Variants in ZNF462 observed in about 807,000 individuals in gnomAD.
ZNF462 encodes zinc finger PBX1-interacting protein.
ZNF462 carries 10 observed loss-of-function variants against 201.9 expected under a neutral mutation model. The observed-to-expected ratio is 0.05, with a 90% CI of 0.03 to 0.08. The LOEUF is 0.08. Ranked by LOEUF, ZNF462 falls within the 10% of genes least tolerant of loss-of-function variation. The pLI, the probability that ZNF462 is intolerant of heterozygous loss-of-function variation, is 1.00. For missense variants in ZNF462, 2,523 were observed against 3,168.3 expected (o/e 0.80, Z 4.89); for synonymous variants, 1,227 against 1,193.3 (o/e 1.03, Z -0.58).
At chr9:106,969,048 C>A (rs1201134880) in intron 7 of ZNF462, among the ~76,000 whole-genome samples, 2 of 152,124 alleles carry the variant, frequency 1.3e-5, no homozygotes, top group Non-Finnish European at 2.9e-5. Flanking sequence ...GTGCTAAAAT[C>A]CTACATTATT....
At chr9:106,892,708 A>G (rs976310874) in intron 1 of ZNF462, among the ~76,000 whole-genome samples, 21 of 151,414 alleles carry the variant, frequency 1.4e-4, no homozygotes, top group Admixed American at 9.2e-4. Context: ...ACACACGCAC[A>G]CACACACACA....
rs544205009 is a variant in ZNF462 at position 107,006,876 on chromosome 9, G to T, written c.7190-2669G>T. On this transcript the variant is annotated intron_variant, in intron 11 of 12. Coordinates refer to ENST00000277225, the MANE Select transcript of ZNF462 (RefSeq NM_021224.6). This position sits in a 1 kb window ranked among gnomAD's most constrained non-coding sequence, Gnocchi z 4.3. ...CATATAGGTTGATTGTTCTTATAAA[G>T]TTATTATTTTTATTAGTAGAGGCTG... 4.6e-5 allele frequency among the ~76,000 whole-genome samples: 7 copies of T among 152,204 alleles called. No individual in the cohort carries two copies. The East Asian group carries it at 1.3e-3, about 29-fold the overall frequency.
In ZNF462 at chr9:107,003,631, A is replaced by G. The variant is rs930505532; in HGVS notation, c.7189+205A>G. On this transcript the variant is annotated intron_variant, in intron 11 of 12. Transcript: ENST00000277225. This position sits in a 1 kb window ranked among gnomAD's most constrained non-coding sequence, Gnocchi z 4.4. ...TATAGAAACGCCAAGGAAAACAGAC[A>G]TTTTCTCCCTAATTATAGATATATG... Among the ~76,000 whole-genome samples the G allele has an allele frequency of 6.6e-6, 1 of 152,072 alleles. No individual in the cohort carries two copies. Among genetic ancestry groups the G allele is most frequent in the Non-Finnish European group, 1.5e-5 (1 of 68,014 alleles).
At chr9:106,906,362 G>A (rs1414286084) in intron 1 of ZNF462, among the ~76,000 whole-genome samples, 1 of 152,150 alleles carries the variant, frequency 6.6e-6, no homozygotes, top group Non-Finnish European at 1.5e-5. Flanking sequence ...GCAAGCCTCC[G>A]CATGCTGCTC....
At chr9:106,988,297 C>A (rs1214908819) in intron 10 of ZNF462, among the ~76,000 whole-genome samples, 3 of 152,080 alleles carry the variant, frequency 2.0e-5, no homozygotes, top group African/African-American at 7.2e-5. Flanking sequence ...AAAGCGGAAA[C>A]CCCTGGTAAA....
Position 106,925,634 on chromosome 9 carries a change from G to A in ZNF462, c.1722G>A (p.Val574=), listed in dbSNP as rs1174092495. The A allele has an allele frequency of 6.2e-7, 1 of 1,613,046 alleles. No homozygotes were observed. Among genetic ancestry groups the A allele is most frequent in the Non-Finnish European group, 8.5e-7 (1 of 1,179,756 alleles). ...CACAGCTGCAGCCACCACATCAGGT[G>A]CCACCCCAGCCACAAACACAGCCAC... is the stretch of plus-strand genomic sequence containing the variant. The part of the protein sequence containing the change: ...QPPQLQPPHQ[V]PPQPQTQPPP... The change falls in exon 3 of 13, where the codon GTG becomes GTA. Residue 574 remains valine (V), a synonymous_variant. Coordinates refer to ENST00000277225, the MANE Select transcript of ZNF462 (RefSeq NM_021224.6). The surrounding 1 kb of genome is among the most constrained non-coding windows in gnomAD (Gnocchi z 7.9).
intron 1 of ZNF462, among the ~76,000 whole-genome samples, chr9:106,910,353 CTTGTTTTAGTTTTTTTTTTTTTTT>C (rs1315296986): frequency 7.9e-6 from 1 of 127,022 alleles, no homozygotes; most frequent in African/African-American, 3.3e-5. Flanking sequence ...TCCTCCACCC[CTTGTTTTAGTTTTTTTTTTTTTTT>C]TTTTTTTTTA....
At chr9:106,916,436 C>T (rs2131358282) in intron 1 of ZNF462, among the ~76,000 whole-genome samples, 2 of 152,268 alleles carry the variant, frequency 1.3e-5, no homozygotes, top group Admixed American at 1.3e-4. Flanking sequence ...CTGCAACTTC[C>T]CTTTAATTTT....
chr9:106,922,250 C>T (rs748869233), intron 1 of ZNF462, among the ~76,000 whole-genome samples: 15 of 152,278 alleles, frequency 9.9e-5, no homozygotes, highest in African/African-American at 3.6e-4. Context: ...AAGTAACTTA[C>T]TCATTAGATA....
chr9:106,925,754 G>A lies in ZNF462; in HGVS notation c.1842G>A (p.Gly614=). ...MCNYSTTTLK[G]LRVHQQHKHS... ...ATTACTCCACCACAACTCTGAAAGGGCTAAGAGTCCATCAGCAGCATAAAC... is the reference window on the plus strand; with the variant it reads ...ATTACTCCACCACAACTCTGAAAGGACTAAGAGTCCATCAGCAGCATAAAC... The change falls in exon 3 of 13, where the codon GGG becomes GGA. Residue 614 remains glycine, a synonymous_variant. Coordinates refer to ENST00000277225, the MANE Select transcript of ZNF462 (RefSeq NM_021224.6). The surrounding 1 kb of genome is among the most constrained non-coding windows in gnomAD (Gnocchi z 7.9). The A allele has an allele frequency of 6.2e-7, 1 of 1,614,182 alleles. No homozygotes were observed. Among genetic ancestry groups the A allele is most frequent in the South Asian group, 1.1e-5 (1 of 91,082 alleles).
chr9:107,007,122 G>T (rs1829605772), intron 11 of ZNF462, among the ~76,000 whole-genome samples: 1 of 152,080 alleles, frequency 6.6e-6, no homozygotes, highest in Non-Finnish European at 1.5e-5. Flanking sequence ...GAAATAAACT[G>T]TTTCTCATTG....
At chr9:106,877,475 G>A (rs1222311987) in intron 1 of ZNF462, among the ~76,000 whole-genome samples, 5 of 151,458 alleles carry the variant, frequency 3.3e-5, no homozygotes, top group Non-Finnish European at 7.4e-5. Context: ...CTGTAAGCCC[G>A]GCCTCCTGGG....
intron 1 of ZNF462, among the ~76,000 whole-genome samples, chr9:106,882,230 GCTGAGT>G (rs2130946953): frequency 6.6e-6 from 1 of 152,306 alleles, no homozygotes; most frequent in East Asian, 1.9e-4. Context: ...AGAAAGGCAG[GCTGAGT>G]CTCCCTTGCT....
intron 7 of ZNF462, among the ~76,000 whole-genome samples, chr9:106,952,807 C>T (rs924970831): frequency 6.6e-6 from 1 of 152,134 alleles, no homozygotes; most frequent in Admixed American, 6.5e-5. Context: ...ACAACAATCC[C>T]ATGAGACAGG....
Position 106,905,968 on chromosome 9 carries a change from T to C in ZNF462, c.-30-17386T>C, listed in dbSNP as rs1206438706. On this transcript the variant is annotated intron_variant, in intron 1 of 12. Coordinates refer to ENST00000277225, the MANE Select transcript of ZNF462 (RefSeq NM_021224.6). This position sits in a 1 kb window ranked among gnomAD's most constrained non-coding sequence, Gnocchi z 5.9. ...TCAGCTACAGAGTTCCTTCTCCCTGTGGAGTTTTACCCCCTGCTCCTCTGG... is the reference window on the plus strand; with the variant it reads ...TCAGCTACAGAGTTCCTTCTCCCTGCGGAGTTTTACCCCCTGCTCCTCTGG... Among the ~76,000 whole-genome samples, 1 of 152,214 alleles carries C rather than the reference T, an allele frequency of 6.6e-6. No homozygotes were observed. Among genetic ancestry groups the C allele is most frequent in the Non-Finnish European group, 1.5e-5 (1 of 68,034 alleles).
rs1830057174 is a variant in ZNF462, at chr9:106,923,281, T to C, written c.-30-73T>C. ...ACTGGAATTTTTTCCCATTAATGGA[T>C]ATATAGCCCCATCAGCTCGAGGTAT... On this transcript the variant is annotated intron_variant, in intron 1 of 12. Transcript: ENST00000277225. This position sits in a 1 kb window ranked among gnomAD's most constrained non-coding sequence, Gnocchi z 5.6. 8.8e-7 allele frequency: 1 copy of C among 1,138,888 alleles called. No individual in the cohort carries two copies. Among genetic ancestry groups the C allele is most frequent in the South Asian group, 1.3e-5 (1 of 74,714 alleles). 70.5% of individuals were successfully genotyped at this position (1,138,888 alleles called of 1,614,324 possible). A position where few individuals can be genotyped will look rare whatever the true frequency, so the allele number is the denominator to read the frequency against.
rs568429030 is a variant in ZNF462 at position 106,972,707 on chromosome 9, T to G, written c.6695+435T>G. The stretch of plus-strand genomic sequence containing the variant: ...CCCTGATAGAAAATTCTTTAATTCT[T>G]AAGATCGTAGTATTGAAAGACACAT... On this transcript the variant is annotated intron_variant, in intron 8 of 12. Coordinates refer to ENST00000277225, the MANE Select transcript of ZNF462 (RefSeq NM_021224.6). This position sits in a 1 kb window ranked among gnomAD's most constrained non-coding sequence, Gnocchi z 4.8. Among the ~76,000 whole-genome samples, 3 of 152,260 alleles carry G rather than the reference T, an allele frequency of 2.0e-5. No individual in the cohort carries two copies. The East Asian group carries it at 5.8e-4, about 29-fold the overall frequency.
rs1184027780 is a variant in ZNF462, at chr9:106,968,868, CGCAGCTAACAATCTGTTT to C, written c.6428-3134_6428-3117del. Among the ~76,000 whole-genome samples, 2 of 152,158 alleles carry C rather than the reference CGCAGCTAACAATCTGTTT, an allele frequency of 1.3e-5. No homozygotes were observed. The highest frequency in any genetic ancestry group is 2.9e-5 in the Non-Finnish European group (2 of 68,034). On this transcript the variant is annotated intron_variant, in intron 7 of 12. Transcript: ENST00000277225. The surrounding 1 kb of genome is among the most constrained non-coding windows in gnomAD (Gnocchi z 4.0). Reference sequence around the variant, plus strand: ...TTTTTAACTTATGTGACATGCCCTTCGCAGCTAACAATCTGTTTGCCTTTCTAACCTGGGCACAGAACG... The same window carrying C: ...TTTTTAACTTATGTGACATGCCCTTCGCCTTTCTAACCTGGGCACAGAACG...
chr9:106,924,239 A>G lies in ZNF462; in HGVS notation c.327A>G (p.Gln109=), dbSNP rs764600785. 10 of 1,614,186 alleles carry G rather than the reference A, an allele frequency of 6.2e-6. No homozygotes were observed. The highest frequency in any genetic ancestry group is 5.5e-5 in the South Asian group (5 of 91,086). Residue 109 remains glutamine (Q), a synonymous_variant, in exon 3 of 13, where the codon CAA becomes CAG. Transcript: ENST00000277225. The surrounding 1 kb of genome is among the most constrained non-coding windows in gnomAD (Gnocchi z 6.2). ...CCAAACCAACAAACAAGTTTTTTCAATGCAAGTTCTGTGTACGCTACTTCA... is the reference window on the plus strand; with the variant it reads ...CCAAACCAACAAACAAGTTTTTTCAGTGCAAGTTCTGTGTACGCTACTTCA... The part of the protein sequence containing the change: ...ANPKPTNKFF[Q]CKFCVRYFRS...
Sources: gnomAD v4.1 joint callset for allele counts (sites outside exome capture counted in the v4.1 genomes callset) on GRCh38, gnomAD v4.1.1 for gene constraint, Gnocchi (gnomAD v3.1) non-coding constraint, MANE v1.5 for transcripts, NCBI Gene and HGNC (gene_info 2026-07-23, HGNC 2026-07-21) for gene names.